Variants in ZNF33A observed in about 807,000 individuals in gnomAD.
ZNF33A encodes brain my041 protein.
In ZNF33A, 9 loss-of-function variants were observed where a neutral mutation model predicts 15.9. The observed-to-expected ratio is 0.57, with a 90% CI of 0.34 to 0.99. ZNF33A has a LOEUF of 0.99. Among genes scored for constraint, ZNF33A ranks in the 50% least tolerant of loss-of-function variants. The pLI, the probability that ZNF33A is intolerant of heterozygous loss-of-function variation, is 0.02. For synonymous variants in ZNF33A, 294 were observed against 324.2 expected (o/e 0.91, Z 1.00); for missense variants, 843 against 941.6 (o/e 0.90, Z 1.37).
Position 38,049,165 on chromosome 10 carries a change from T to C in ZNF33A, c.251-5210T>C, listed in dbSNP as rs148029305. 5.0e-3 allele frequency among the ~76,000 whole-genome samples: 763 copies of C among 152,258 alleles called. 5 individuals carry two copies. The highest frequency in any genetic ancestry group is 0.018 in the African/African-American group (733 of 41,568). ...CCTAATAGTTGGAAACTGAATATAC[T>C]TCTACATAATGGATTCTTCAAAGAA... is the stretch of plus-strand genomic sequence containing the variant. On this transcript the variant is annotated intron_variant, in intron 4 of 4. Coordinates refer to ENST00000432900, the MANE Select transcript of ZNF33A (RefSeq NM_006954.2).
chr10:38,021,443 G>A (rs1399441252), intron 4 of ZNF33A, among the ~76,000 whole-genome samples: 2 of 8,072 alleles, frequency 2.5e-4, no homozygotes, highest in Admixed American at 7.0e-4. Flanking sequence ...GAATTCAAGA[G>A]TAGCCTGGAT....
At position 38,042,602 on chromosome 10, in the gene ZNF33A, G is replaced by A. The variant is rs185796858; in HGVS notation, c.251-11773G>A. 1.4e-3 allele frequency among the ~76,000 whole-genome samples: 212 copies of A among 151,230 alleles called. 2 individuals are homozygous for A. Among genetic ancestry groups the A allele is most frequent in the Non-Finnish European group, 7.1e-4 (48 of 67,926 alleles). On this transcript the variant is annotated intron_variant, in intron 4 of 4. Transcript: ENST00000432900. ...GTCTCTCTGAGTCATCGAGGCTGGA[G>A]TGCCGTGGTAGGATCCCATCTCATT...
chr10:38,048,108 A>G (rs902383935), intron 4 of ZNF33A, among the ~76,000 whole-genome samples: 17 of 152,366 alleles, frequency 1.1e-4, no homozygotes, highest in African/African-American at 3.8e-4. Context: ...AGGACATTCC[A>G]GTTAAACAAA....
At chr10:38,040,697 T>C (rs186659084) in intron 4 of ZNF33A, among the ~76,000 whole-genome samples, 16 of 152,362 alleles carry the variant, frequency 1.1e-4, no homozygotes, top group East Asian at 9.6e-4. Context: ...CTATCTCTTA[T>C]AGACAGCACA....
downstream of ZNF33A, among the ~76,000 whole-genome samples, chr10:38,066,625 T>C (rs1462100200): frequency 1.3e-5 from 2 of 151,330 alleles, no homozygotes; most frequent in African/African-American, 4.8e-5. Flanking sequence ...CTCCAGTGTG[T>C]AAAGCCCACA....
intron 4 of ZNF33A, among the ~76,000 whole-genome samples, chr10:38,032,810 C>T (rs2065270822): frequency 6.6e-6 from 1 of 151,098 alleles, no homozygotes; most frequent in Admixed American, 6.6e-5. Flanking sequence ...TACAGTGGCG[C>T]GATCTTGGCT....
At chr10:38,050,888 C>T (rs1218528148) in intron 4 of ZNF33A, among the ~76,000 whole-genome samples, 1 of 152,198 alleles carries the variant, frequency 6.6e-6, no homozygotes, top group Non-Finnish European at 1.5e-5. Flanking sequence ...TTAAGGCACA[C>T]TAGGCAGTTC....
chr10:38,022,493 C>T (rs546891101), intron 4 of ZNF33A, among the ~76,000 whole-genome samples: 1 of 152,024 alleles, frequency 6.6e-6, no homozygotes, highest in Admixed American at 6.6e-5. Flanking sequence ...TCCGTCTCTA[C>T]TAAAAATACA....
intron 4 of ZNF33A, among the ~76,000 whole-genome samples, chr10:38,025,281 G>T (rs2064935489): frequency 6.6e-6 from 1 of 152,110 alleles, no homozygotes; most frequent in African/African-American, 2.4e-5. Context: ...ATAGAATGAT[G>T]GAAAAGAATG....
At chr10:38,047,611 C>T (rs1462850516) in intron 4 of ZNF33A, among the ~76,000 whole-genome samples, 2 of 110,586 alleles carry the variant, frequency 1.8e-5, no homozygotes, top group Non-Finnish European at 3.5e-5. Flanking sequence ...GGCGATAGAG[C>T]AAGACTCTGT....
At chr10:38,022,967 A>G (rs1394774780) in intron 4 of ZNF33A, among the ~76,000 whole-genome samples, 3 of 152,168 alleles carry the variant, frequency 2.0e-5, no homozygotes, top group Non-Finnish European at 4.4e-5. Flanking sequence ...ATTTAATTAG[A>G]TGGAGTCTTG....
At chr10:38,038,866 T>G (rs1012447864) in intron 4 of ZNF33A, among the ~76,000 whole-genome samples, 1 of 152,238 alleles carries the variant, frequency 6.6e-6, no homozygotes, top group African/African-American at 2.4e-5. Flanking sequence ...TCTTTTCTCC[T>G]TACGTGGTGT....
chr10:38,036,192 C>CA (rs1445105633), intron 4 of ZNF33A, among the ~76,000 whole-genome samples: 1 of 152,088 alleles, frequency 6.6e-6, no homozygotes, highest in African/African-American at 2.4e-5. Flanking sequence ...GTAATCCTAG[C>CA]ACTTTGGGAT....
At chr10:38,050,715 T>G (rs755068335) in intron 4 of ZNF33A, among the ~76,000 whole-genome samples, 1 of 152,196 alleles carries the variant, frequency 6.6e-6, no homozygotes, top group South Asian at 2.1e-4. Flanking sequence ...GGACCCACAG[T>G]GTGAGGCTGG....
chr10:38,052,260 T>C (rs1343665196), intron 4 of ZNF33A, among the ~76,000 whole-genome samples: 1 of 149,890 alleles, frequency 6.7e-6, no homozygotes, highest in Non-Finnish European at 1.5e-5. Context: ...ACTATAATTA[T>C]TAAGTGTAGC....
chr10:38,064,110 T>C, downstream of ZNF33A: 1 of 1,597,530 alleles, frequency 6.3e-7, no homozygotes, highest in Non-Finnish European at 8.5e-7. Flanking sequence ...CTCATGCCCT[T>C]GGATTAAACC....
At position 38,056,512 on chromosome 10, in the gene ZNF33A, G is replaced by A. The variant is rs772364396; in HGVS notation, c.2388G>A (p.Glu796=). The change falls in exon 5 of 5, where the codon GAG becomes GAA. Residue 796 remains glutamate, a synonymous_variant. Coordinates refer to ENST00000432900, the MANE Select transcript of ZNF33A (RefSeq NM_006954.2). ...QPQVSLHNAS[E]YSHCGESPDD... ...AAGTCAGCCTCCATAATGCCTCAGA[G>A]TATTCACACTGTGGAGAAAGCCCTG... is the stretch of plus-strand genomic sequence containing the variant. 7.5e-6 allele frequency: 12 copies of A among 1,603,320 alleles called. No individual in the cohort carries two copies. Among genetic ancestry groups the A allele is most frequent in the Non-Finnish European group, 9.4e-6 (11 of 1,175,134 alleles).
rs546526278 is a variant in ZNF33A at position 38,036,797 on chromosome 10, T to C, written c.251-17578T>C. 1.6e-3 allele frequency among the ~76,000 whole-genome samples: 250 copies of C among 152,344 alleles called. 1 individual carries two copies. Among genetic ancestry groups the C allele is most frequent in the African/African-American group, 5.6e-3 (232 of 41,584 alleles). ...GATGGGAAAGGAAGAAATAAAACTTTCTTCGTACAGGCATGATTGCCTAAG... is the reference window on the plus strand; with the variant it reads ...GATGGGAAAGGAAGAAATAAAACTTCCTTCGTACAGGCATGATTGCCTAAG... On this transcript the variant is annotated intron_variant, in intron 4 of 4. Coordinates refer to ENST00000432900, the MANE Select transcript of ZNF33A (RefSeq NM_006954.2).
chr10:38,065,365 C>T (rs11813723), downstream of ZNF33A, among the ~76,000 whole-genome samples: 2 of 152,112 alleles, frequency 1.3e-5, no homozygotes, highest in East Asian at 1.9e-4. Flanking sequence ...CCACCGTGCT[C>T]GGCCAGGAAT....
Sources: allele counts gnomAD v4.1 joint callset (sites outside exome capture counted in the v4.1 genomes callset), GRCh38; gene constraint gnomAD v4.1.1; transcripts MANE v1.5; gene names NCBI Gene and HGNC (gene_info 2026-07-23, HGNC 2026-07-21).